TAFA1: variants seen among roughly 807,000 people sequenced by gnomAD.
TAFA1 encodes the protein chemokine-like protein TAFA-1.
In TAFA1, 4 loss-of-function variants were observed where a neutral mutation model predicts 18.5. The observed-to-expected ratio is 0.22, with a 90% CI of 0.11 to 0.49. TAFA1 has a LOEUF of 0.49. Among genes scored for constraint, TAFA1 ranks in the 20% least tolerant of loss-of-function variants. The pLI is 0.98. For missense variants in TAFA1, 147 were observed against 169.0 expected (o/e 0.87, Z 0.72); for synonymous variants, 56 against 55.2 (o/e 1.01, Z -0.06).
chr3:68,399,309 G>C (rs975019634), intron 2 of TAFA1, among the ~76,000 whole-genome samples: 1 of 152,182 alleles, frequency 6.6e-6, no homozygotes, highest in African/African-American at 2.4e-5. Context: ...ACCCCTGTTT[G>C]AGAGATTGCT....
chr3:68,518,488 A>C (rs1023645446), intron 3 of TAFA1, among the ~76,000 whole-genome samples: 1 of 152,200 alleles, frequency 6.6e-6, no homozygotes, highest in African/African-American at 2.4e-5. Context: ...CATATTTAGG[A>C]ATATAACATA....
chr3:68,466,896 C>T (rs999731317), intron 3 of TAFA1, among the ~76,000 whole-genome samples: 5 of 152,038 alleles, frequency 3.3e-5, no homozygotes, highest in African/African-American at 9.7e-5. Flanking sequence ...CATCGCATGT[C>T]GGCAGGTTCC....
intron 3 of TAFA1, among the ~76,000 whole-genome samples, chr3:68,426,782 G>A (rs13089236): frequency 1.3e-5 from 2 of 151,776 alleles, no homozygotes; most frequent in African/African-American, 2.4e-5. Flanking sequence ...CAAATTATGT[G>A]CATTATAATT....
intron 2 of TAFA1, among the ~76,000 whole-genome samples, chr3:68,101,798 A>G (rs981980858): frequency 1.3e-5 from 2 of 152,092 alleles, no homozygotes; most frequent in Non-Finnish European, 2.9e-5. Flanking sequence ...GCTCTCCAAA[A>G]ACTGGCAAAT....
At chr3:68,305,160 A>G (rs1027933505) in intron 2 of TAFA1, among the ~76,000 whole-genome samples, 4 of 151,388 alleles carry the variant, frequency 2.6e-5, no homozygotes, top group Non-Finnish European at 4.4e-5. Context: ...AATCCTCATT[A>G]TTCCTTGTCT....
At chr3:68,228,189 G>A (rs1198657531) in intron 2 of TAFA1, among the ~76,000 whole-genome samples, 2 of 152,072 alleles carry the variant, frequency 1.3e-5, no homozygotes, top group African/African-American at 4.8e-5. Context: ...TACATCCCCT[G>A]GCATATTGTA....
At chr3:68,198,922 T>C (rs1362132517) in intron 2 of TAFA1, among the ~76,000 whole-genome samples, 1 of 151,532 alleles carries the variant, frequency 6.6e-6, no homozygotes, top group African/African-American at 2.4e-5. Context: ...ACCTTTGCTG[T>C]CATATCTGAA....
intron 2 of TAFA1, among the ~76,000 whole-genome samples, chr3:68,229,020 C>T (rs984501289): frequency 1.3e-5 from 2 of 152,212 alleles, no homozygotes; most frequent in African/African-American, 4.8e-5. Context: ...GATTCCCTGA[C>T]CACCCACCAT....
intron 2 of TAFA1, among the ~76,000 whole-genome samples, chr3:68,159,902 G>A (rs988079818): frequency 5.3e-5 from 8 of 152,164 alleles, no homozygotes; most frequent in African/African-American, 1.9e-4. Context: ...CAAAATCGAA[G>A]CAGTCTTCTT....
At chr3:68,184,242 T>C (rs1176420879) in intron 2 of TAFA1, among the ~76,000 whole-genome samples, 2 of 152,102 alleles carry the variant, frequency 1.3e-5, no homozygotes, top group African/African-American at 2.4e-5. Flanking sequence ...ATTCAGATGA[T>C]TGACAGAGGA....
intron 2 of TAFA1, among the ~76,000 whole-genome samples, chr3:68,406,782 T>A (rs570662630): frequency 6.6e-6 from 1 of 152,320 alleles, no homozygotes; most frequent in South Asian, 2.1e-4. Context: ...CCTTTCCTCA[T>A]GCTCTCTGAT....
chr3:68,000,082 C>A (rs969272649), upstream of TAFA1, among the ~76,000 whole-genome samples: 16 of 152,204 alleles, frequency 1.1e-4, no homozygotes, highest in East Asian at 3.1e-3. Context: ...AGCCACCGTG[C>A]CTGGTCAAAG....
intron 3 of TAFA1, among the ~76,000 whole-genome samples, chr3:68,459,985 C>A (rs538063655): frequency 6.6e-6 from 1 of 152,070 alleles, no homozygotes; most frequent in South Asian, 2.1e-4. Flanking sequence ...GTGTTAAGGC[C>A]GTTTATTGAG....
intron 2 of TAFA1, among the ~76,000 whole-genome samples, chr3:68,304,563 T>C (rs917276802): frequency 6.6e-6 from 1 of 152,184 alleles, no homozygotes; most frequent in Non-Finnish European, 1.5e-5. Flanking sequence ...GAAGTTGTAC[T>C]AATAAGTGAT....
intron 2 of TAFA1, among the ~76,000 whole-genome samples, chr3:68,299,855 G>T (rs988354668): frequency 1.3e-5 from 2 of 152,218 alleles, no homozygotes; most frequent in Admixed American, 1.3e-4. Flanking sequence ...TATTTGTGTT[G>T]TTGGGCTTGT....
At chr3:68,540,292 C>T (rs2073351413) in intron 4 of TAFA1, among the ~76,000 whole-genome samples, 1 of 152,100 alleles carries the variant, frequency 6.6e-6, no homozygotes, top group Non-Finnish European at 1.5e-5. Context: ...CCCTAGCTTG[C>T]TAACATGCAT....
intron 2 of TAFA1, among the ~76,000 whole-genome samples, chr3:68,181,220 G>A (rs1236024561): frequency 6.6e-6 from 1 of 152,094 alleles, no homozygotes; most frequent in Non-Finnish European, 1.5e-5. Context: ...GTCAGGTGGG[G>A]CTGGCTAGTG....
chr3:68,281,612 G>A (rs141375782), intron 2 of TAFA1, among the ~76,000 whole-genome samples: 278 of 151,906 alleles, frequency 1.8e-3, no homozygotes, highest in African/African-American at 6.6e-3. Flanking sequence ...CGGGACTGCA[G>A]GCGCATCCCC....
intron 2 of TAFA1, among the ~76,000 whole-genome samples, chr3:68,327,343 C>T (rs1046050098): frequency 6.6e-6 from 1 of 152,082 alleles, no homozygotes; most frequent in African/African-American, 2.4e-5. Context: ...AAATTTGAGG[C>T]CTATCATTTA....
Sources: gnomAD v4.1 joint callset for allele counts (sites outside exome capture counted in the v4.1 genomes callset) on GRCh38, gnomAD v4.1.1 for gene constraint, MANE v1.5 for transcripts, NCBI Gene and HGNC (gene_info 2026-07-23, HGNC 2026-07-21) for gene names.